Variants in SUCLG2 observed in about 807,000 individuals in gnomAD.
SUCLG2 encodes succinate-CoA ligase GDP-forming subunit beta.
A neutral mutation model predicts 47.9 loss-of-function variants in SUCLG2; 42 were observed. That is an observed-to-expected ratio of 0.88 (90% CI 0.69 to 1.14). The LOEUF is 1.14. Among genes scored for constraint, SUCLG2 ranks in the 50% most tolerant of loss-of-function variants. The pLI is 0.00. For synonymous variants in SUCLG2, 195 were observed against 197.3 expected (o/e 0.99, Z 0.10); for missense variants, 571 against 525.9 (o/e 1.09, Z -0.84).
rs916742251 is a variant in SUCLG2 at position 67,586,806 on chromosome 3, G to T, written c.226+22649C>A. ...CAGAGATTTAAGTAACTTGTTCAAG[G>T]TCACACAAGTAGTAATTGACATGAA... On this transcript the variant is annotated intron_variant, in intron 2 of 10. Transcript: ENST00000307227. Among the ~76,000 whole-genome samples, 4 of 152,096 alleles carry T rather than the reference G, an allele frequency of 2.6e-5. No homozygotes were observed. In the South Asian group the frequency reaches 8.3e-4, roughly 32 times the overall value.
At position 67,375,066 on chromosome 3, in the gene SUCLG2, G is replaced by A; in HGVS notation, c.*678C>T. 1.0e-6 allele frequency: 1 copy of A among 985,628 alleles called. No individual in the cohort carries two copies. Among genetic ancestry groups the A allele is most frequent in the Non-Finnish European group, 1.2e-6 (1 of 829,846 alleles). 61.1% of individuals were successfully genotyped at this position (985,628 alleles called of 1,614,324 possible). ...TCCCAAAATCACAAATAAGGCTTCTGGTTTTCTTTTTAGTGTGAGGTAAAC... is the reference window on the plus strand; with the variant it reads ...TCCCAAAATCACAAATAAGGCTTCTAGTTTTCTTTTTAGTGTGAGGTAAAC... On this transcript the variant is annotated 3_prime_UTR_variant, in exon 11 of 11. Coordinates refer to ENST00000307227, the MANE Select transcript of SUCLG2 (RefSeq NM_003848.4).
Position 67,422,473 on chromosome 3 carries a change from CAAAAAAAAAAAAAAAAA to C in SUCLG2, c.1063-21639_1063-21623del, listed in dbSNP as rs58345420. ...CTGGTGACAGAGCGAGACTCCATCT[CAAAAAAAAAAAAAAAAA>C]AAAAAAAAAAAAAGAACATTCAACA... On this transcript the variant is annotated intron_variant, in intron 9 of 10. Coordinates refer to ENST00000307227, the MANE Select transcript of SUCLG2 (RefSeq NM_003848.4). Among the ~76,000 whole-genome samples the C allele has an allele frequency of 3.3e-4, 10 of 30,662 alleles. 1 individual carries two copies. Among genetic ancestry groups the C allele is most frequent in the South Asian group, 3.1e-3 (1 of 322 alleles). The allele number at this position is 30,662 out of a possible 152,430, so 20.1% of individuals were successfully genotyped here. A position where few individuals can be genotyped will look rare whatever the true frequency, so the allele number is the denominator to read the frequency against.
intron 9 of SUCLG2, among the ~76,000 whole-genome samples, chr3:67,440,080 A>C (rs1283338745): frequency 6.9e-6 from 1 of 144,408 alleles, no homozygotes; most frequent in African/African-American, 2.4e-5. Context: ...AACGCCACAC[A>C]TCAACAGCCA....
At chr3:67,453,233 T>TTA (rs1575706293) in intron 9 of SUCLG2, among the ~76,000 whole-genome samples, 1 of 151,990 alleles carries the variant, frequency 6.6e-6, no homozygotes, top group Non-Finnish European at 1.5e-5. Context: ...CTTTTTTTTT[T>TTA]ATGAGTATTT....
intron 9 of SUCLG2, among the ~76,000 whole-genome samples, chr3:67,424,857 A>G (rs1575686316): frequency 6.6e-6 from 1 of 152,090 alleles, no homozygotes; most frequent in African/African-American, 2.4e-5. Context: ...ATCTGGCTGA[A>G]TATGTTGCTT....
chr3:67,468,921 A>C (rs1226273499), intron 9 of SUCLG2, among the ~76,000 whole-genome samples: 1 of 152,226 alleles, frequency 6.6e-6, no homozygotes, highest in African/African-American at 2.4e-5. Flanking sequence ...AGAAATCCTA[A>C]CGAGGAACAT....
intron 2 of SUCLG2, among the ~76,000 whole-genome samples, chr3:67,598,999 A>T (rs1345963977): frequency 6.6e-6 from 1 of 152,186 alleles, no homozygotes; most frequent in Non-Finnish European, 1.5e-5. Context: ...GAGCCACAAA[A>T]ACTGGGAGAT....
chr3:67,391,913 A>G (rs547690407), intron 10 of SUCLG2, among the ~76,000 whole-genome samples: 2 of 152,224 alleles, frequency 1.3e-5, no homozygotes, highest in East Asian at 3.9e-4. Flanking sequence ...GTCCCCTTGC[A>G]AGGTAAGATG....
chr3:67,622,999 G>C (rs958643038), intron 1 of SUCLG2, among the ~76,000 whole-genome samples: 1 of 152,180 alleles, frequency 6.6e-6, no homozygotes, highest in Non-Finnish European at 1.5e-5. Context: ...TAAAAATTGA[G>C]TCTCTGCTCA....
chr3:67,635,322 C>G (rs1395262809), intron 1 of SUCLG2, among the ~76,000 whole-genome samples: 1 of 152,106 alleles, frequency 6.6e-6, no homozygotes, highest in African/African-American at 2.4e-5. Flanking sequence ...TTTCAAAGCC[C>G]AACAACTGTG....
Position 67,400,742 on chromosome 3 carries a change from A to G in SUCLG2, c.1172T>C (p.Val391Ala). 6.2e-7 allele frequency: 1 copy of G among 1,611,804 alleles called. No homozygotes were observed. The highest frequency in any genetic ancestry group is 8.5e-7 in the Non-Finnish European group (1 of 1,179,926). ...CTACCATGACTCACCTTCAAGCCGG[A>G]CCACCAGGGGCACCTTGAGTTCTAG... ...RELELKVPLV[V>A]RLEGTNVQEA... Residue 391 changes from valine to alanine, a missense_variant, in exon 10 of 11, where the codon GTC becomes GCC. Transcript: ENST00000307227.
At chr3:67,399,984 C>A (rs552018425) in intron 10 of SUCLG2, among the ~76,000 whole-genome samples, 6 of 152,198 alleles carry the variant, frequency 3.9e-5, no homozygotes, top group African/African-American at 1.4e-4. Flanking sequence ...AGTTCAAGAC[C>A]AGCCTGGGCA....
chr3:67,382,157 A>C (rs1575658871), intron 10 of SUCLG2, among the ~76,000 whole-genome samples: 1 of 152,238 alleles, frequency 6.6e-6, no homozygotes, highest in African/African-American at 2.4e-5. Flanking sequence ...GGTGCAACAA[A>C]TGTTTGTTGG....
intron 2 of SUCLG2, among the ~76,000 whole-genome samples, chr3:67,571,967 A>T (rs372455557): frequency 1.3e-5 from 2 of 152,176 alleles, no homozygotes; most frequent in African/African-American, 4.8e-5. Flanking sequence ...CACATATGAG[A>T]GTTACCATAA....
chr3:67,464,641 A>T (rs912666989), intron 9 of SUCLG2, among the ~76,000 whole-genome samples: 18 of 152,228 alleles, frequency 1.2e-4, no homozygotes, highest in African/African-American at 4.3e-4. Context: ...ATGTGGGCAA[A>T]AGGAAGCATA....
chr3:67,649,666 C>G (rs1031687808), intron 1 of SUCLG2, among the ~76,000 whole-genome samples: 15 of 152,222 alleles, frequency 9.9e-5, no homozygotes, highest in African/African-American at 2.4e-4. Flanking sequence ...ACCTTCCTCA[C>G]AAACTCTCAA....
chr3:67,615,249 A>G (rs1275245762), intron 1 of SUCLG2, among the ~76,000 whole-genome samples: 1 of 123,680 alleles, frequency 8.1e-6, no homozygotes, highest in African/African-American at 3.2e-5. Flanking sequence ...AGACAGCTAC[A>G]CAGAAAAAAA....
chr3:67,489,715 T>C (rs1249084048), intron 9 of SUCLG2, among the ~76,000 whole-genome samples: 1 of 152,118 alleles, frequency 6.6e-6, no homozygotes, highest in Non-Finnish European at 1.5e-5. Context: ...CAAACACATG[T>C]GGTGTGTAAT....
chr3:67,370,466 C>T (rs990495293), downstream of SUCLG2, among the ~76,000 whole-genome samples: 1 of 152,184 alleles, frequency 6.6e-6, no homozygotes, highest in Admixed American at 6.5e-5. Context: ...CTGTTTGTAT[C>T]CATGAGATCA....
Sources: allele counts gnomAD v4.1 joint callset (sites outside exome capture counted in the v4.1 genomes callset), GRCh38; gene constraint gnomAD v4.1.1; transcripts MANE v1.5; gene names NCBI Gene and HGNC (gene_info 2026-07-23, HGNC 2026-07-21).